CNN3: variants seen among roughly 807,000 people sequenced by gnomAD.
The protein encoded by CNN3 is calponin-3.
Under a neutral mutation model 39.0 loss-of-function variants are expected in CNN3, and 11 were observed. That is an observed-to-expected ratio of 0.28 (90% CI 0.18 to 0.47). CNN3 has a LOEUF of 0.47. Ranked by LOEUF, CNN3 falls within the 20% of genes least tolerant of loss-of-function variation. CNN3 has a pLI of 0.99. For synonymous variants in CNN3, 101 were observed against 138.3 expected (o/e 0.73, Z 1.89); for missense variants, 266 against 403.4 (o/e 0.66, Z 2.92).
intron 1 of CNN3, among the ~76,000 whole-genome samples, chr1:94,922,271 C>A (rs151064783): frequency 1.3e-5 from 2 of 152,098 alleles, no homozygotes; most frequent in South Asian, 2.1e-4. Flanking sequence ...AGAATATTTT[C>A]TTTTTAACCA....
At chr1:94,914,752 C>T (rs76330169) in intron 1 of CNN3, among the ~76,000 whole-genome samples, 1,776 of 152,240 alleles carry the variant, frequency 0.012, 29 homozygotes, top group African/African-American at 0.04. Context: ...GAGAGGAAAT[C>T]GAATTTTAAA....
rs1671581683 is a variant in CNN3 at position 94,926,413 on chromosome 1, T to C, written c.57+425A>G. The stretch of plus-strand genomic sequence containing the variant: ...CGCCAGCACCCGGGGCCCGGGCAGA[T>C]GGCGGGGGCTGCGGCAGCGGCTCGC... On this transcript the variant is annotated intron_variant, in intron 1 of 6. Transcript: ENST00000370206. This position sits in a 1 kb window ranked among gnomAD's most constrained non-coding sequence, Gnocchi z 4.2. Among the ~76,000 whole-genome samples, 1 of 152,056 alleles carries C rather than the reference T, an allele frequency of 6.6e-6. No homozygotes were observed. The highest frequency in any genetic ancestry group is 1.5e-5 in the Non-Finnish European group (1 of 67,976).
At chr1:94,925,256 A>C (rs1671547594) in intron 1 of CNN3, among the ~76,000 whole-genome samples, 1 of 152,214 alleles carries the variant, frequency 6.6e-6, no homozygotes, top group Admixed American at 6.5e-5. Flanking sequence ...AATTACAATG[A>C]ATGTGCACAA....
Position 94,897,698 on chromosome 1 carries a change from G to T in CNN3, c.*44C>A. ...ACTCAAGGCTAGCTTGGTTCTCACT[G>T]AATAAAAACAAAGGACTAAATACTG... On this transcript the variant is annotated 3_prime_UTR_variant, in exon 7 of 7. Coordinates refer to ENST00000370206, the MANE Select transcript of CNN3 (RefSeq NM_001839.5). 6.5e-7 allele frequency: 1 copy of T among 1,541,528 alleles called. No individual in the cohort carries two copies. Among genetic ancestry groups the T allele is most frequent in the South Asian group, 1.2e-5 (1 of 83,988 alleles).
Position 94,926,710 on chromosome 1 carries a change from G to T in CNN3, c.57+128C>A. ...GACCGGGACAGGCAGAGACGCTCGC[G>T]CCGCCTCGACGGCCCCTCTCCAGGA... On this transcript the variant is annotated intron_variant, in intron 1 of 6. Coordinates refer to ENST00000370206, the MANE Select transcript of CNN3 (RefSeq NM_001839.5). This position sits in a 1 kb window ranked among gnomAD's most constrained non-coding sequence, Gnocchi z 4.2. 9.4e-7 allele frequency: 1 copy of T among 1,063,744 alleles called. No homozygotes were observed. The highest frequency in any genetic ancestry group is 1.4e-6 in the Non-Finnish European group (1 of 719,514). The allele number at this position is 1,063,744 out of a possible 1,614,324, so 65.9% of individuals were successfully genotyped here.
chr1:94,902,585 G>A (rs859056), intron 3 of CNN3, among the ~76,000 whole-genome samples: 150,872 of 152,356 alleles, frequency 0.99, 74,727 homozygotes, highest in Middle Eastern at 1. Flanking sequence ...GTCAAAAGGT[G>A]TATAATTACT....
At chr1:94,909,065 T>G (rs1415267767) in intron 1 of CNN3, among the ~76,000 whole-genome samples, 2 of 151,908 alleles carry the variant, frequency 1.3e-5, no homozygotes, top group Non-Finnish European at 2.9e-5. Flanking sequence ...GAGGATTGCT[T>G]GAAGCCAGGA....
chr1:94,913,303 C>T (rs924748923), intron 1 of CNN3, among the ~76,000 whole-genome samples: 10 of 152,150 alleles, frequency 6.6e-5, no homozygotes, highest in African/African-American at 1.4e-4. Flanking sequence ...GAAACGGGTG[C>T]GCATGGAGTT....
chr1:94,899,562 A>T, intron 5 of CNN3, 45 bp from the exon 6 acceptor site: 2 of 1,587,440 alleles, frequency 1.3e-6, no homozygotes, highest in Non-Finnish European at 1.7e-6. Flanking sequence ...AGATGTCAAC[A>T]ATATACACAA....
chr1:94,919,955 A>C (rs1454317790), intron 1 of CNN3, among the ~76,000 whole-genome samples: 1 of 152,200 alleles, frequency 6.6e-6, no homozygotes, highest in African/African-American at 2.4e-5. Context: ...TAGAGACTTC[A>C]TAAGAACACA....
Position 94,903,404 on chromosome 1 carries a change from C to T in CNN3, c.178G>A (p.Glu60Lys), listed in dbSNP as rs764334182. Residue 60 changes from glutamate to lysine, a missense_variant and splice_region_variant, in exon 2 of 7, where the codon GAA (glutamate) becomes AAA (lysine). Transcript: ENST00000370206. ...AGATTCTGGAGGGCTGTAACTCACT[C>T]GCAGAGGATGATGCCATCCTTTAAG... ...LGLKDGIILC[E>K]LINKLQPGSV... 31 of 1,586,826 alleles carry T rather than the reference C, an allele frequency of 2.0e-5. 1 individual carries two copies. Among genetic ancestry groups the T allele is most frequent in the Non-Finnish European group, 5.1e-6 (6 of 1,168,496 alleles).
Position 94,926,827 on chromosome 1 carries a change from G to A in CNN3, c.57+11C>T, listed in dbSNP as rs374511811. ...CCCGGGGGCCCCCGCGCCCGCCCGA[G>A]CCAGGCGTACCTTGTTCTTGACTTC... On this transcript the variant is annotated intron_variant, in intron 1 of 6. Transcript: ENST00000370206. This position sits in a 1 kb window ranked among gnomAD's most constrained non-coding sequence, Gnocchi z 4.2. 1.2e-5 allele frequency: 19 copies of A among 1,611,024 alleles called. No homozygotes were observed. Among genetic ancestry groups the A allele is most frequent in the Non-Finnish European group, 1.5e-5 (18 of 1,178,630 alleles).
intron 3 of CNN3, 73 bp downstream of exon 3, chr1:94,903,044 AAAACC>A: frequency 8.2e-7 from 1 of 1,216,112 alleles, no homozygotes. Flanking sequence ...ACAAAACCAA[AAAACC>A]AAACCTGAAA....
At chr1:94,909,932 A>T (rs551606806) in intron 1 of CNN3, among the ~76,000 whole-genome samples, 1 of 152,286 alleles carries the variant, frequency 6.6e-6, no homozygotes, top group South Asian at 2.1e-4. Context: ...GAACTGTCTG[A>T]TGCCCCCATT....
At chr1:94,906,274 C>T (rs1400002319) in intron 1 of CNN3, among the ~76,000 whole-genome samples, 1 of 152,202 alleles carries the variant, frequency 6.6e-6, no homozygotes, top group Non-Finnish European at 1.5e-5. Flanking sequence ...TGAGCCACTG[C>T]GTCCAGCCGA....
At chr1:94,903,100 A>G in intron 3 of CNN3, 22 bp downstream of exon 3, 3 of 1,521,960 alleles carry the variant, frequency 2.0e-6, no homozygotes, top group Non-Finnish European at 2.7e-6. Context: ...CTAGAACCAG[A>G]GGTGGTTGGT....
intron 1 of CNN3, chr1:94,925,672 C>A (rs1671556554): frequency 1.0e-6 from 1 of 985,390 alleles, no homozygotes; most frequent in Non-Finnish European, 1.2e-6. Context: ...ACCCCCGCAG[C>A]CCCGGGATGT....
chr1:94,906,317 A>G (rs1202515967), intron 1 of CNN3, among the ~76,000 whole-genome samples: 2 of 152,144 alleles, frequency 1.3e-5, no homozygotes, highest in Non-Finnish European at 2.9e-5. Context: ...ATATTTTTAC[A>G]CTGGGGTCTT....
At position 94,899,480 on chromosome 1, in the gene CNN3, G is replaced by C. The variant is rs1242034912; in HGVS notation, c.539C>G (p.Thr180Arg). The change falls in exon 6 of 7, where the codon ACA (threonine) becomes AGA (arginine). Residue 180 changes from threonine to arginine, a missense_variant. By Grantham distance (71) the Thr-to-Arg change is moderately conservative. Coordinates refer to ENST00000370206, the MANE Select transcript of CNN3 (RefSeq NM_001839.5). ...AAGATGCCTCCTAGTCCCGTAAGCT[G>C]TCATACCTGCCTGGCTGGCACATTT... ...TNKCASQAGMTAYGTRRHLYD... is the reference protein window; with the variant it reads ...TNKCASQAGMRAYGTRRHLYD... 6.2e-7 allele frequency: 1 copy of C among 1,613,626 alleles called. No individual in the cohort carries two copies. Among genetic ancestry groups the C allele is most frequent in the Admixed American group, 1.7e-5 (1 of 59,904 alleles).
Sources: gnomAD v4.1 joint callset for allele counts (sites outside exome capture counted in the v4.1 genomes callset) on GRCh38, gnomAD v4.1.1 for gene constraint, Gnocchi (gnomAD v3.1) non-coding constraint, MANE v1.5 for transcripts, NCBI Gene and HGNC (gene_info 2026-07-23, HGNC 2026-07-21) for gene names.